PTPRN2: variants seen among roughly 807,000 people sequenced by gnomAD.
PTPRN2 encodes protein tyrosine phosphatase receptor type N2.
In PTPRN2, 74 loss-of-function variants were observed where a neutral mutation model predicts 118.8. The ratio of observed to expected loss-of-function variants is 0.62; its 90% CI spans 0.52 to 0.76. PTPRN2 has a LOEUF of 0.76. Ranked by LOEUF, PTPRN2 falls within the 30% of genes least tolerant of loss-of-function variation. The pLI, the probability that PTPRN2 is intolerant of heterozygous loss-of-function variation, is 0.00. For missense variants in PTPRN2, 1,481 were observed against 1,394.4 expected, an observed-to-expected ratio of 1.06 and a Z score of -0.99; for synonymous variants, 641 against 608.0, an observed-to-expected ratio of 1.05 and a Z score of -0.80.
chr7:158,391,260 A>G (rs1811903143), intron 2 of PTPRN2, among the ~76,000 whole-genome samples: 1 of 152,212 alleles, frequency 6.6e-6, no homozygotes, highest in South Asian at 2.1e-4. Flanking sequence ...GGCCGAGGAG[A>G]AAGGGGCTGT....
intron 2 of PTPRN2, among the ~76,000 whole-genome samples, chr7:158,436,373 G>A (rs890632722): frequency 6.6e-6 from 1 of 151,698 alleles, no homozygotes; most frequent in Non-Finnish European, 1.5e-5. Flanking sequence ...TCTGTTGATG[G>A]AGTCTCTCGA....
chr7:158,344,117 G>A (rs887785110), intron 2 of PTPRN2, among the ~76,000 whole-genome samples: 4 of 152,040 alleles, frequency 2.6e-5, no homozygotes, highest in Non-Finnish European at 4.4e-5. Flanking sequence ...TCCCCCTGCC[G>A]AGGAGCCAGC....
intron 21 of PTPRN2, among the ~76,000 whole-genome samples, chr7:157,554,903 T>C (rs1798802373): frequency 6.7e-6 from 1 of 149,322 alleles, no homozygotes; most frequent in Admixed American, 6.6e-5. Context: ...TTAATTCGAG[T>C]TGTCCATGTC....
intron 13 of PTPRN2, among the ~76,000 whole-genome samples, chr7:157,658,403 A>G (rs1795703624): frequency 6.6e-6 from 1 of 152,214 alleles, no homozygotes; most frequent in Non-Finnish European, 1.5e-5. Flanking sequence ...CCAAAGCAGA[A>G]GTTCCCGTAT....
intron 12 of PTPRN2, among the ~76,000 whole-genome samples, chr7:157,841,907 G>C (rs912190616): frequency 6.6e-5 from 10 of 152,058 alleles, no homozygotes; most frequent in African/African-American, 2.4e-4. Context: ...ACAGTACCCG[G>C]GGACTGTGTC....
chr7:158,005,131 A>G (rs1011985944), intron 11 of PTPRN2, among the ~76,000 whole-genome samples: 3 of 151,242 alleles, frequency 2.0e-5, no homozygotes, highest in African/African-American at 7.3e-5. Flanking sequence ...CTGGAGTGCA[A>G]TGGTGTGATC....
At position 158,169,731 on chromosome 7, in the gene PTPRN2, C is replaced by T. The variant is rs971179895; in HGVS notation, c.550-2440G>A. Among the ~76,000 whole-genome samples the T allele has an allele frequency of 7.9e-5, 12 of 152,044 alleles. No homozygotes were observed. The South Asian group carries it at 8.3e-4, about 11-fold the overall frequency. ...CTTTTGAGACGGAGTCTCTCACTGTCGCCCAGGCTGGAGTGCAGTGGCACA... is the reference window on the plus strand; with the variant it reads ...CTTTTGAGACGGAGTCTCTCACTGTTGCCCAGGCTGGAGTGCAGTGGCACA... On this transcript the variant is annotated intron_variant, in intron 5 of 22. Transcript: ENST00000389418.
At chr7:157,982,868 C>A (rs112518648) in intron 11 of PTPRN2, among the ~76,000 whole-genome samples, 1 of 101,314 alleles carries the variant, frequency 9.9e-6, no homozygotes, top group Admixed American at 1.0e-4. Context: ...TGCAGAGTAC[C>A]GGGTTCCCCC....
At chr7:158,154,948 G>T (rs1585664127) in intron 6 of PTPRN2, among the ~76,000 whole-genome samples, 1 of 152,192 alleles carries the variant, frequency 6.6e-6, no homozygotes, top group Admixed American at 6.5e-5. Flanking sequence ...AGTATGTTTT[G>T]CAGCATCCAG....
intron 11 of PTPRN2, among the ~76,000 whole-genome samples, chr7:158,050,108 G>A (rs116498882): frequency 2.6e-5 from 4 of 152,144 alleles, no homozygotes; most frequent in Non-Finnish European, 4.4e-5. Flanking sequence ...TATAACAAGC[G>A]TGTTCCTGAA....
intron 2 of PTPRN2, among the ~76,000 whole-genome samples, chr7:158,424,139 A>T (rs1815491799): frequency 6.6e-6 from 1 of 152,182 alleles, no homozygotes; most frequent in South Asian, 2.1e-4. Context: ...CGTGTGGCGC[A>T]GGAGTGCTCT....
At chr7:157,882,656 T>C (rs1381737829) in intron 12 of PTPRN2, among the ~76,000 whole-genome samples, 4 of 145,474 alleles carry the variant, frequency 2.7e-5, no homozygotes, top group Non-Finnish European at 4.5e-5. Flanking sequence ...CCAAAAAGAC[T>C]GTCAGAGAAA....
At chr7:158,192,617 G>A (rs1016719804) in intron 4 of PTPRN2, 122 bp from the exon 5 acceptor site, 14 of 1,134,224 alleles carry the variant, frequency 1.2e-5, no homozygotes, top group Non-Finnish European at 1.7e-5. Context: ...TGGCCGGCCT[G>A]GCCTTGCTGC....
intron 5 of PTPRN2, among the ~76,000 whole-genome samples, chr7:158,183,855 C>T (rs995004904): frequency 6.6e-6 from 1 of 152,030 alleles, no homozygotes; most frequent in Non-Finnish European, 1.5e-5. Flanking sequence ...GTTCTGGTGT[C>T]GCTTCTTGGA....
intron 11 of PTPRN2, among the ~76,000 whole-genome samples, chr7:157,999,002 T>G (rs1009643213): frequency 2.0e-4 from 30 of 151,812 alleles, no homozygotes; most frequent in African/African-American, 7.0e-4. Context: ...CAGTGACCCC[T>G]ACAGTGCTGA....
At chr7:157,992,827 G>A (rs1804347966) in intron 11 of PTPRN2, among the ~76,000 whole-genome samples, 1 of 152,250 alleles carries the variant, frequency 6.6e-6, no homozygotes, top group Non-Finnish European at 1.5e-5. Flanking sequence ...AGTATGCGAT[G>A]GGAAGACCTT....
At position 157,862,108 on chromosome 7, in the gene PTPRN2, C is replaced by T. The variant is rs917826346; in HGVS notation, c.1788+36565G>A. ...GAGTCTGTCCTCCCCATCACAGGGA[C>T]ACTGCTGCTTCGAGGACTCTGTGTG... On this transcript the variant is annotated intron_variant, in intron 12 of 22. Coordinates refer to ENST00000389418, the MANE Select transcript of PTPRN2 (RefSeq NM_002847.5). Among the ~76,000 whole-genome samples the T allele has an allele frequency of 3.3e-5, 5 of 152,074 alleles. No homozygotes were observed. The South Asian group carries it at 8.3e-4, about 25-fold the overall frequency.
At chr7:157,575,521 C>T (rs1049227942) in intron 19 of PTPRN2, among the ~76,000 whole-genome samples, 2 of 152,242 alleles carry the variant, frequency 1.3e-5, no homozygotes, top group Non-Finnish European at 2.9e-5. Context: ...TCTATTGATT[C>T]AAATTACAAA....
chr7:158,171,322 T>C lies in PTPRN2; in HGVS notation c.550-4031A>G, dbSNP rs557400284. On this transcript the variant is annotated intron_variant, in intron 5 of 22. Coordinates refer to ENST00000389418, the MANE Select transcript of PTPRN2 (RefSeq NM_002847.5). ...ATATATACACACATATATATATATA[T>C]ATATATATATATATATATATATATA... is the stretch of plus-strand genomic sequence containing the variant. Among the ~76,000 whole-genome samples the C allele has an allele frequency of 6.7e-3, 747 of 112,318 alleles. 98 individuals are homozygous for C. Among genetic ancestry groups the C allele is most frequent in the African/African-American group, 0.016 (453 of 28,176 alleles). 73.7% of individuals were successfully genotyped at this position (112,318 alleles called of 152,430 possible).
Sources: allele counts gnomAD v4.1 joint callset (sites outside exome capture counted in the v4.1 genomes callset), GRCh38; gene constraint gnomAD v4.1.1; transcripts MANE v1.5; gene names NCBI Gene and HGNC (gene_info 2026-07-23, HGNC 2026-07-21).